Variants in TRIM44 observed in about 807,000 individuals in gnomAD.
TRIM44 encodes tripartite motif containing 44, also known as tripartite motif-containing protein 44.
Under a neutral mutation model 37.4 loss-of-function variants are expected in TRIM44, and 13 were observed. The observed-to-expected ratio is 0.35, with a 90% CI of 0.23 to 0.55. The LOEUF (loss-of-function observed/expected upper bound fraction) is 0.55, where lower values mean the gene tolerates loss of function less well. Among genes scored for constraint, TRIM44 ranks in the 20% least tolerant of loss-of-function variants. The pLI is 0.89. For synonymous variants in TRIM44, 175 were observed against 157.2 expected, an observed-to-expected ratio of 1.11 and a Z score of -0.85; for missense variants, 426 against 437.2, an observed-to-expected ratio of 0.97 and a Z score of 0.23.
At chr11:35,797,816 A>G (rs892574277) in intron 4 of TRIM44, among the ~76,000 whole-genome samples, 1 of 152,228 alleles carries the variant, frequency 6.6e-6, no homozygotes, top group African/African-American at 2.4e-5. Flanking sequence ...TCTGAGTGAA[A>G]TCTGGAGCAG....
rs111852302 is a variant in TRIM44 at position 35,789,708 on chromosome 11, C to T, written c.1008-16650C>T. Among the ~76,000 whole-genome samples, 619 of 152,260 alleles carry T rather than the reference C, an allele frequency of 4.1e-3. 1 individual carries two copies. Among genetic ancestry groups the T allele is most frequent in the Non-Finnish European group, 6.5e-3 (439 of 68,020 alleles). ...CCCTCAGTTAAGCCGTCTTAGAGGGCGACCGGGCCTTACTCAGTTCTAAGA... is the reference window on the plus strand; with the variant it reads ...CCCTCAGTTAAGCCGTCTTAGAGGGTGACCGGGCCTTACTCAGTTCTAAGA... On this transcript the variant is annotated intron_variant, in intron 4 of 4. Transcript: ENST00000299413.
chr11:35,784,319 G>A (rs888872855), intron 4 of TRIM44, among the ~76,000 whole-genome samples: 2 of 152,170 alleles, frequency 1.3e-5, no homozygotes, highest in Non-Finnish European at 2.9e-5. Context: ...GATCTGAGCA[G>A]CTAAAGGGTA....
chr11:35,745,263 T>G (rs1321548164), intron 4 of TRIM44, among the ~76,000 whole-genome samples: 1 of 152,228 alleles, frequency 6.6e-6, no homozygotes, highest in East Asian at 1.9e-4. Flanking sequence ...AATTTTGATT[T>G]GCATTTCTCT....
At chr11:35,724,589 A>T (rs1282770325) in intron 2 of TRIM44, among the ~76,000 whole-genome samples, 1 of 152,228 alleles carries the variant, frequency 6.6e-6, no homozygotes, top group Non-Finnish European at 1.5e-5. Context: ...AGGAAACATC[A>T]ATAAATACAG....
intron 4 of TRIM44, among the ~76,000 whole-genome samples, chr11:35,805,634 C>G (rs117008742): frequency 1.2e-4 from 19 of 152,178 alleles, no homozygotes; most frequent in Non-Finnish European, 2.5e-4. Context: ...CTTTTAAAAA[C>G]CAATTATTTA....
Position 35,813,432 on chromosome 11 carries a change from A to C in TRIM44, c.*7047A>C, listed in dbSNP as rs1211985717. The C allele has an allele frequency of 6.6e-6, 1 of 152,208 alleles. No individual in the cohort carries two copies. Among genetic ancestry groups the C allele is most frequent in the African/African-American group, 2.4e-5 (1 of 41,440 alleles). 9.4% of individuals were successfully genotyped at this position (152,208 alleles called of 1,614,324 possible). On this transcript the variant is annotated 3_prime_UTR_variant, in exon 5 of 5. Coordinates refer to ENST00000299413, the MANE Select transcript of TRIM44 (RefSeq NM_017583.6). ...CGCATAAGACAAAGGCCATACATCTAGTCATCAGGCACCTCCTCAGAACCT... is the reference window on the plus strand; with the variant it reads ...CGCATAAGACAAAGGCCATACATCTCGTCATCAGGCACCTCCTCAGAACCT...
intron 3 of TRIM44, among the ~76,000 whole-genome samples, chr11:35,734,023 T>A (rs1852299007): frequency 6.6e-6 from 1 of 152,210 alleles, no homozygotes; most frequent in Non-Finnish European, 1.5e-5. Context: ...AGAGGCAGTG[T>A]TCATAACTTC....
chr11:35,809,669 T>C lies in TRIM44; in HGVS notation c.*3284T>C, dbSNP rs1265662306. Reference sequence around the variant, plus strand: ...CTCTCTACTCAACTTTATTTGAAAATGTCTGCAGCTTCACTCCTGTAGAAA... The same window carrying C: ...CTCTCTACTCAACTTTATTTGAAAACGTCTGCAGCTTCACTCCTGTAGAAA... On this transcript the variant is annotated 3_prime_UTR_variant, in exon 5 of 5. Transcript: ENST00000299413. 1 of 152,132 alleles carries C rather than the reference T, an allele frequency of 6.6e-6. No individual in the cohort carries two copies. The highest frequency in any genetic ancestry group is 1.5e-5 in the Non-Finnish European group (1 of 68,018). The allele number at this position is 152,132 out of a possible 1,614,324, so 9.4% of individuals were successfully genotyped here.
In TRIM44 at chr11:35,783,685, G is replaced by A. The variant is rs565483701; in HGVS notation, c.1008-22673G>A. 9.8e-5 allele frequency among the ~76,000 whole-genome samples: 15 copies of A among 152,290 alleles called. No homozygotes were observed. In the South Asian group the frequency reaches 3.1e-3, roughly 32 times the overall value. ...GTGCATATGTTTTTGTGTTCATGTA[G>A]CAGATAGAATGTTTTGGTCAGAATG... On this transcript the variant is annotated intron_variant, in intron 4 of 4. Coordinates refer to ENST00000299413, the MANE Select transcript of TRIM44 (RefSeq NM_017583.6).
intron 1 of TRIM44, among the ~76,000 whole-genome samples, chr11:35,680,962 G>A (rs947582277): frequency 4.0e-5 from 6 of 151,604 alleles, no homozygotes; most frequent in Non-Finnish European, 1.5e-5. Flanking sequence ...GGTTTATTTG[G>A]CCTTTTCTTA....
chr11:35,663,669 G>C lies in TRIM44; in HGVS notation c.558G>C (p.Leu186Phe). The C allele has an allele frequency of 6.2e-7, 1 of 1,614,194 alleles. No homozygotes were observed. The highest frequency in any genetic ancestry group is 1.6e-4 in the Middle Eastern group (1 of 6,062). Residue 186 changes from leucine to phenylalanine, a missense_variant, in exon 1 of 5, where the codon TTG becomes TTC. By Grantham distance (22) the Leu-to-Phe change is conservative. This residue lies in a region of TRIM44 where 331 missense variants were observed against 303.0 expected (regional missense o/e 1.09). Transcript: ENST00000299413. ...AGTGTCCGGACCATGGGCTTGATTT[G>C]AGTACCTATTGCCAGGAAGATAGGC... The part of the protein sequence containing the change: ...KRKCPDHGLD[L>F]STYCQEDRQL...
rs966605406 is a variant in TRIM44, at chr11:35,812,269, C to T, written c.*5884C>T. 6.6e-5 allele frequency: 10 copies of T among 152,048 alleles called. No homozygotes were observed. The highest frequency in any genetic ancestry group is 2.4e-4 in the African/African-American group (10 of 41,392). The allele number at this position is 152,048 out of a possible 1,614,324, so 9.4% of individuals were successfully genotyped here. On this transcript the variant is annotated 3_prime_UTR_variant, in exon 5 of 5. Transcript: ENST00000299413. ...AATATCTCCTGGCCTTCACAAGGCA[C>T]CAGAGTTAGAGACACCCAACAGAAA...
chr11:35,776,848 A>G lies in TRIM44; in HGVS notation c.1008-29510A>G, dbSNP rs1335788436. ...TTTGTTACAATTTCTGTTCTTTTACATTTGCTGAGGAATGCTTTACTTCCA... is the reference window on the plus strand; with the variant it reads ...TTTGTTACAATTTCTGTTCTTTTACGTTTGCTGAGGAATGCTTTACTTCCA... On this transcript the variant is annotated intron_variant, in intron 4 of 4. Transcript: ENST00000299413. Among the ~76,000 whole-genome samples the G allele has an allele frequency of 2.6e-5, 4 of 152,182 alleles. No individual in the cohort carries two copies. In the East Asian group the frequency reaches 7.7e-4, roughly 29 times the overall value.
At chr11:35,703,896 C>A (rs1204302308) in intron 2 of TRIM44, among the ~76,000 whole-genome samples, 1 of 152,190 alleles carries the variant, frequency 6.6e-6, no homozygotes, top group Non-Finnish European at 1.5e-5. Context: ...AGCAACGGAA[C>A]AAAGCTGGAT....
intron 4 of TRIM44, among the ~76,000 whole-genome samples, chr11:35,743,404 T>C (rs1852440270): frequency 6.6e-6 from 1 of 152,214 alleles, no homozygotes; most frequent in Non-Finnish European, 1.5e-5. Flanking sequence ...TCCAGTCACA[T>C]CTCATGATTT....
chr11:35,775,705 T>A (rs1852947253), intron 4 of TRIM44, among the ~76,000 whole-genome samples: 1 of 152,242 alleles, frequency 6.6e-6, no homozygotes, highest in South Asian at 2.1e-4. Context: ...GTCAAAGGCC[T>A]TTTCTGCATC....
At position 35,663,384 on chromosome 11, in the gene TRIM44, A is replaced by C. The variant is rs1851295850; in HGVS notation, c.273A>C (p.Ile91=). ...TCAAGGTGGAGCAGGAGAGGGAGAT[A>C]GAAAGCGAGGCAGGGGAAGAGAGTG... is the stretch of plus-strand genomic sequence containing the variant. ...AEVKVEQERE[I]ESEAGEESES... The change falls in exon 1 of 5, where the codon ATA becomes ATC. Residue 91 remains isoleucine, a synonymous_variant. Coordinates refer to ENST00000299413, the MANE Select transcript of TRIM44 (RefSeq NM_017583.6). 1.2e-6 allele frequency: 2 copies of C among 1,608,890 alleles called. No individual in the cohort carries two copies. The highest frequency in any genetic ancestry group is 1.7e-6 in the Non-Finnish European group (2 of 1,177,274).
chr11:35,763,735 A>G (rs141246402), intron 4 of TRIM44, among the ~76,000 whole-genome samples: 8 of 152,248 alleles, frequency 5.3e-5, no homozygotes, highest in South Asian at 2.1e-4. Flanking sequence ...GTCTGCTTCT[A>G]TTGGGTTGTG....
At chr11:35,720,415 T>C (rs57877382) in intron 2 of TRIM44, among the ~76,000 whole-genome samples, 8,411 of 151,238 alleles carry the variant, frequency 0.056, 771 homozygotes, top group African/African-American at 0.19. Context: ...GAGGTTTTTT[T>C]CTTTTTTTTT....
Sources: allele counts gnomAD v4.1 joint callset (sites outside exome capture counted in the v4.1 genomes callset), GRCh38; gene constraint gnomAD v4.1.1; regional missense constraint gnomAD v4.1.1; transcripts MANE v1.5; gene names NCBI Gene and HGNC (gene_info 2026-07-23, HGNC 2026-07-21).